Variants in APC observed in about 807,000 individuals in gnomAD.
APC encodes the protein adenomatous polyposis coli protein.
Under a neutral mutation model 247.0 loss-of-function variants are expected in APC, and 72 were observed. That is an observed-to-expected ratio of 0.29 (90% CI 0.24 to 0.35). The LOEUF (loss-of-function observed/expected upper bound fraction) is 0.35. Among genes scored for constraint, APC ranks in the 10% least tolerant of loss-of-function variants. APC has a pLI of 1.00. For synonymous variants in APC, 1,254 were observed against 1,162.5 expected (o/e 1.08, Z -1.60); for missense variants, 3,400 against 3,360.7 (o/e 1.01, Z -0.29).
chr5:112,817,926 C>G (rs1762673371), intron 9 of APC, among the ~76,000 whole-genome samples: 1 of 152,176 alleles, frequency 6.6e-6, no homozygotes, highest in South Asian at 2.1e-4. Context: ...ATACTGCCTT[C>G]CTAAAACTTT....
chr5:112,750,086 C>A (rs1372769722), intron 1 of APC, among the ~76,000 whole-genome samples: 1 of 151,358 alleles, frequency 6.6e-6, no homozygotes, highest in African/African-American at 2.4e-5. Flanking sequence ...CCTCAGCCTC[C>A]CAAGTAGCTG....
chr5:112,780,831 T>C lies in APC; in HGVS notation c.573T>C (p.Tyr191=), dbSNP rs185154886. The change falls in exon 6 of 16, where the codon TAT becomes TAC. Residue 191 remains tyrosine, a synonymous_variant. Coordinates refer to ENST00000257430, the MANE Select transcript of APC (RefSeq NM_000038.6). ...ATATGACCAGAAGGCAATTGGAATA[T>C]GAAGCAAGGCAAATCAGAGTTGCGA... ...QTDMTRRQLE[Y]EARQIRVAME... is the part of the protein sequence containing the mutation. 6.3e-5 allele frequency: 101 copies of C among 1,613,542 alleles called. No homozygotes were observed. In the East Asian group the frequency reaches 2.0e-3, roughly 32 times the overall value.
At chr5:112,740,277 G>C (rs1419851315) in intron 1 of APC, among the ~76,000 whole-genome samples, 1 of 152,066 alleles carries the variant, frequency 6.6e-6, no homozygotes, top group Non-Finnish European at 1.5e-5. Flanking sequence ...ACACATTTAA[G>C]TAGAACAGTG....
chr5:112,757,597 G>T (rs1201896055), intron 2 of APC, among the ~76,000 whole-genome samples: 2 of 152,068 alleles, frequency 1.3e-5, no homozygotes, highest in Non-Finnish European at 2.9e-5. Context: ...AGCCAGGTGT[G>T]GCGTATATCT....
intron 1 of APC, among the ~76,000 whole-genome samples, chr5:112,712,782 G>A (rs1750932123): frequency 6.6e-6 from 1 of 152,076 alleles, no homozygotes; most frequent in Non-Finnish European, 1.5e-5. Context: ...CAGAAATCTT[G>A]GTTCTTCTCC....
intron 8 of APC, among the ~76,000 whole-genome samples, chr5:112,813,544 GT>G (rs1404240058): frequency 6.6e-6 from 1 of 152,112 alleles, no homozygotes; most frequent in African/African-American, 2.4e-5. Flanking sequence ...ATTGTTAACA[GT>G]TTTCTATGTT....
chr5:112,837,972 A>G lies in APC; in HGVS notation c.2378A>G (p.Gln793Arg), dbSNP rs1356210683. The G allele has an allele frequency of 4.3e-6, 7 of 1,614,060 alleles. No individual in the cohort carries two copies. The highest frequency in any genetic ancestry group is 2.2e-5 in the East Asian group (1 of 44,898). The change falls in exon 16 of 16, where the codon CAA becomes CGA. Residue 793 changes from glutamine to arginine, a missense_variant. Around this residue, in one of 9 missense-constraint regions of APC, gnomAD observed 91 missense variants for 103.3 expected, o/e 0.88. Coordinates refer to ENST00000257430, the MANE Select transcript of APC (RefSeq NM_000038.6). ...ASHRSKQRHKQSLYGDYVFDT... is the reference protein window; with the variant it reads ...ASHRSKQRHKRSLYGDYVFDT... ...CATCGTAGTAAGCAGAGACACAAGC[A>G]AAGTCTCTATGGTGATTATGTTTTT...
At chr5:112,730,301 G>A (rs1269121576) in intron 1 of APC, among the ~76,000 whole-genome samples, 1 of 152,170 alleles carries the variant, frequency 6.6e-6, no homozygotes, top group Admixed American at 6.5e-5. Context: ...AGTTGAACAA[G>A]TAACTTTTTA....
In APC at chr5:112,838,353, A is replaced by C. The variant is rs1765257361; in HGVS notation, c.2759A>C (p.Asn920Thr). The change falls in exon 16 of 16, where the codon AAT (asparagine) becomes ACT (threonine). Residue 920 changes from asparagine to threonine, a missense_variant. Asn to Thr is a moderately conservative substitution (Grantham distance 65). Coordinates refer to ENST00000257430, the MANE Select transcript of APC (RefSeq NM_000038.6). ...TELHCVTDER[N>T]ALRRSSAAHT... is the part of the protein sequence containing the mutation. Reference sequence around the variant, plus strand: ...TTACATTGTGTGACAGATGAGAGAAATGCACTTAGAAGAAGCTCTGCTGCC... The same window carrying C: ...TTACATTGTGTGACAGATGAGAGAACTGCACTTAGAAGAAGCTCTGCTGCC... 2 of 1,614,194 alleles carry C rather than the reference A, an allele frequency of 1.2e-6. No homozygotes were observed. Among genetic ancestry groups the C allele is most frequent in the Non-Finnish European group, 1.7e-6 (2 of 1,180,032 alleles).
chr5:112,738,789 A>G (rs1309546441), intron 1 of APC, among the ~76,000 whole-genome samples: 1 of 152,262 alleles, frequency 6.6e-6, no homozygotes, highest in African/African-American at 2.4e-5. Context: ...TAAAGTAGGA[A>G]TAATGTCAGG....
At chr5:112,715,542 T>A (rs1018851750) in intron 1 of APC, among the ~76,000 whole-genome samples, 8 of 152,158 alleles carry the variant, frequency 5.3e-5, no homozygotes, top group Admixed American at 1.3e-4. Context: ...GCCCATCATT[T>A]TTGGTTTTGG....
At chr5:112,831,891 G>A (rs988394041) in intron 14 of APC, among the ~76,000 whole-genome samples, 1 of 152,156 alleles carries the variant, frequency 6.6e-6, no homozygotes, top group Non-Finnish European at 1.5e-5. Flanking sequence ...AAATACCTTT[G>A]TGTATCAGAG....
intron 11 of APC, among the ~76,000 whole-genome samples, chr5:112,822,238 G>A (rs149297265): frequency 3.2e-4 from 48 of 152,020 alleles, no homozygotes; most frequent in Non-Finnish European, 5.9e-4. Context: ...AATCGAAGCC[G>A]GAGATTGAAA....
At chr5:112,811,542 A>G (rs1279085791) in intron 8 of APC, among the ~76,000 whole-genome samples, 1 of 152,212 alleles carries the variant, frequency 6.6e-6, no homozygotes, top group Non-Finnish European at 1.5e-5. Flanking sequence ...CTAATAATAA[A>G]TACATCTAAA....
chr5:112,744,433 A>T (rs765487563), intron 1 of APC, among the ~76,000 whole-genome samples: 1 of 152,214 alleles, frequency 6.6e-6, no homozygotes, highest in Non-Finnish European at 1.5e-5. Flanking sequence ...AAAGCTAAGT[A>T]TTAGATATAG....
At chr5:112,806,595 G>C (rs1037768140) in intron 8 of APC, among the ~76,000 whole-genome samples, 1 of 130,178 alleles carries the variant, frequency 7.7e-6, no homozygotes, top group East Asian at 2.2e-4. Context: ...TTTATTTATT[G>C]AGATAGGGTC....
At chr5:112,831,526 T>A (rs1764299987) in intron 14 of APC, among the ~76,000 whole-genome samples, 1 of 152,210 alleles carries the variant, frequency 6.6e-6, no homozygotes, top group Non-Finnish European at 1.5e-5. Flanking sequence ...AGTGCAGCAG[T>A]CATGAACATT....
chr5:112,843,624 G>C lies in APC; in HGVS notation c.8030G>C (p.Gly2677Ala). The part of the protein sequence containing the change: ...NNPRSGRSPT[G>A]NTPPVIDSVS... ...CCTAGATCTGGAAGATCTCCCACAGGTAATACTCCCCCGGTGATTGACAGT... is the reference window on the plus strand; with the variant it reads ...CCTAGATCTGGAAGATCTCCCACAGCTAATACTCCCCCGGTGATTGACAGT... The change falls in exon 16 of 16, where the codon GGT becomes GCT. Residue 2677 changes from glycine to alanine, a missense_variant. Gly to Ala is a moderately conservative substitution (Grantham distance 60). Transcript: ENST00000257430. This position sits in a 1 kb window ranked among gnomAD's most constrained non-coding sequence, Gnocchi z 4.8. 1 of 1,613,776 alleles carries C rather than the reference G, an allele frequency of 6.2e-7. No individual in the cohort carries two copies. Among genetic ancestry groups the C allele is most frequent in the South Asian group, 1.1e-5 (1 of 91,074 alleles).
chr5:112,721,405 C>G (rs1315202176), intron 1 of APC, among the ~76,000 whole-genome samples: 1 of 151,916 alleles, frequency 6.6e-6, no homozygotes, highest in Non-Finnish European at 1.5e-5. Context: ...CAGTGAGATT[C>G]CATCTCAAAA....
Sources: allele counts gnomAD v4.1 joint callset (sites outside exome capture counted in the v4.1 genomes callset), GRCh38; gene constraint gnomAD v4.1.1; regional missense constraint gnomAD v4.1.1; non-coding constraint Gnocchi (gnomAD v3.1); transcripts MANE v1.5; gene names NCBI Gene and HGNC (gene_info 2026-07-23, HGNC 2026-07-21).